Variants in PRAM1 observed in about 807,000 individuals in gnomAD.
The protein encoded by PRAM1 is PML-RARA regulated adaptor molecule 1, also known as PML-RARA-regulated adapter molecule 1.
Under a neutral mutation model 55.3 loss-of-function variants are expected in PRAM1, and 41 were observed. The ratio of observed to expected loss-of-function variants is 0.74; its 90% CI spans 0.58 to 0.96. The LOEUF is 0.96. Among genes scored for constraint, PRAM1 ranks in the 40% least tolerant of loss-of-function variants. PRAM1 has a pLI of 0.00. For synonymous variants in PRAM1, 401 were observed against 387.1 expected, an observed-to-expected ratio of 1.04 and a Z score of -0.42; for missense variants, 898 against 892.7, an observed-to-expected ratio of 1.01 and a Z score of -0.08.
In PRAM1 at chr19:8,490,687, C is replaced by A. The variant is rs1403120316; in HGVS notation, c.1813G>T (p.Gly605Cys). 1.2e-6 allele frequency: 2 copies of A among 1,605,566 alleles called. No homozygotes were observed. The highest frequency in any genetic ancestry group is 1.1e-5 in the South Asian group (1 of 89,994). Reference protein sequence around the residue: ...DPNAKTRRGGGKHLGIRRGEI... With the variant: ...DPNAKTRRGGCKHLGIRRGEI... ...CCGCGCCGGATCCCGAGGTGCTTGC[C>A]ACCCCCGCGACGTGTCTTAGCGTTG... Residue 605 changes from glycine to cysteine, a missense_variant, in exon 7 of 10, where the codon GGC becomes TGC. Transcript: ENST00000423345. The surrounding 1 kb of genome is among the most constrained non-coding windows in gnomAD (Gnocchi z 7.3).
intron 1 of PRAM1, among the ~76,000 whole-genome samples, chr19:8,501,805 G>A (rs1487751858): frequency 6.6e-6 from 1 of 152,188 alleles, no homozygotes; most frequent in Non-Finnish European, 1.5e-5. Flanking sequence ...GTGCCTGAGA[G>A]GATTGGTGCA....
intron 4 of PRAM1, among the ~76,000 whole-genome samples, chr19:8,494,345 C>T (rs975964642): frequency 2.6e-4 from 40 of 152,214 alleles, no homozygotes; most frequent in Non-Finnish European, 3.8e-4. Flanking sequence ...CGGTGGCCCC[C>T]AGACCCAAGC....
chr19:8,490,288 C>T lies in PRAM1; in HGVS notation c.1975+50G>A, dbSNP rs1343496710. ...CCAGAAGCCCAATAGTGAGCAGCGC[C>T]CCCGGGGAATCGCCAGGGTCCCTCC... On this transcript the variant is annotated intron_variant, in intron 9 of 9. Coordinates refer to ENST00000423345, the MANE Select transcript of PRAM1 (RefSeq NM_032152.5). This position sits in a 1 kb window ranked among gnomAD's most constrained non-coding sequence, Gnocchi z 7.3. 6.2e-7 allele frequency: 1 copy of T among 1,613,798 alleles called. No homozygotes were observed. The highest frequency in any genetic ancestry group is 8.5e-7 in the Non-Finnish European group (1 of 1,179,802).
In PRAM1 at chr19:8,498,898, C is replaced by A; in HGVS notation, c.910G>T (p.Val304Leu). 10 of 1,613,332 alleles carry A rather than the reference C, an allele frequency of 6.2e-6. No individual in the cohort carries two copies. Among genetic ancestry groups the A allele is most frequent in the African/African-American group, 2.7e-5 (2 of 74,924 alleles). The change falls in exon 2 of 10, where the codon GTG becomes TTG. Residue 304 changes from valine (V) to leucine (L), a missense_variant. Physicochemically the swap from Val to Leu is conservative, Grantham distance 32 (BLOSUM62 1). Around this residue, in one of 4 missense-constraint regions of PRAM1, gnomAD observed 787 missense variants for 735.4 expected, o/e 1.07. Transcript: ENST00000423345. ...GCCGGCCGCGGCCTCTTGGGAAGCACGCTGACTTCGGGCTCTGAGGAGGTC... is the reference window on the plus strand; with the variant it reads ...GCCGGCCGCGGCCTCTTGGGAAGCAAGCTGACTTCGGGCTCTGAGGAGGTC... The part of the protein sequence containing the change: ...TRTSSEPEVS[V>L]LPKRPRPAEF...
chr19:8,499,763 G>A lies in PRAM1; in HGVS notation c.45C>T (p.Phe15=). The A allele has an allele frequency of 6.2e-7, 1 of 1,606,946 alleles. No homozygotes were observed. The highest frequency in any genetic ancestry group is 8.5e-7 in the Non-Finnish European group (1 of 1,176,820). The change falls in exon 2 of 10, where the codon TTC becomes TTT. Residue 15 remains phenylalanine, a synonymous_variant. Coordinates refer to ENST00000423345, the MANE Select transcript of PRAM1 (RefSeq NM_032152.5). ...CCTGGAACTTTGCTTTGATGCTCCG[G>A]AAGTCCTGATGGCTCTCCTAGGAGA... ...LPAAMESHQD[F]RSIKAKFQAS...
chr19:8,498,203 C>A lies in PRAM1; in HGVS notation c.1499+20G>T. ...GAGCCCCACAATCCGCACCCACCTC[C>A]GCTTCCTCCCCACACTCACTGCGGG... On this transcript the variant is annotated intron_variant, in intron 3 of 9. Transcript: ENST00000423345. 4 of 1,608,582 alleles carry A rather than the reference C, an allele frequency of 2.5e-6. No individual in the cohort carries two copies. Among genetic ancestry groups the A allele is most frequent in the Non-Finnish European group, 3.4e-6 (4 of 1,178,394 alleles).
chr19:8,499,083 G>A lies in PRAM1; in HGVS notation c.725C>T (p.Pro242Leu), dbSNP rs1046488708. 52 of 1,613,404 alleles carry A rather than the reference G, an allele frequency of 3.2e-5. 1 individual carries two copies. Among genetic ancestry groups the A allele is most frequent in the East Asian group, 4.5e-5 (2 of 44,848 alleles). ...QVGGLPKKSVPQPEFSEAAQT... is the reference protein window; with the variant it reads ...QVGGLPKKSVLQPEFSEAAQT... Reference sequence around the variant, plus strand: ...AGCGGCCTCGCTGAACTCAGGCTGCGGCACGGACTTCTTAGGGAGGCCACC... The same window carrying A: ...AGCGGCCTCGCTGAACTCAGGCTGCAGCACGGACTTCTTAGGGAGGCCACC... The change falls in exon 2 of 10, where the codon CCG becomes CTG. Residue 242 changes from proline (P) to leucine (L), a missense_variant. By Grantham distance (98) the Pro-to-Leu change is moderately conservative. This residue lies in a region of PRAM1 where 787 missense variants were observed against 735.4 expected (regional missense o/e 1.07). Transcript: ENST00000423345.
At chr19:8,496,466 T>C (rs1203620975) in intron 4 of PRAM1, among the ~76,000 whole-genome samples, 2 of 152,036 alleles carry the variant, frequency 1.3e-5, no homozygotes, top group Non-Finnish European at 2.9e-5. Context: ...GGCTCATGAC[T>C]GTAATCCCAG....
Position 8,499,052 on chromosome 19 carries a change from A to C in PRAM1, c.756T>G (p.Thr252=). 6.2e-7 allele frequency: 1 copy of C among 1,612,426 alleles called. No homozygotes were observed. Among genetic ancestry groups the C allele is most frequent in the Non-Finnish European group, 8.5e-7 (1 of 1,179,588 alleles). The change falls in exon 2 of 10, where the codon ACT becomes ACG. Residue 252 remains threonine, a synonymous_variant. Transcript: ENST00000423345. ...CGCTGGACTGAGGCTTCCAGAGGGGAGTCTGAGCGGCCTCGCTGAACTCAG... is the reference window on the plus strand; with the variant it reads ...CGCTGGACTGAGGCTTCCAGAGGGGCGTCTGAGCGGCCTCGCTGAACTCAG... The part of the protein sequence containing the change: ...PQPEFSEAAQ[T]PLWKPQSSEP...
At chr19:8,498,334 C>T in intron 2 of PRAM1, 42 bp downstream of exon 2, 1 of 1,594,844 alleles carries the variant, frequency 6.3e-7, no homozygotes, top group East Asian at 2.3e-5. Context: ...CTGCCTGGGA[C>T]CTCAGCCCCC....
chr19:8,496,830 G>A (rs2145790697), intron 4 of PRAM1, among the ~76,000 whole-genome samples: 1 of 152,120 alleles, frequency 6.6e-6, no homozygotes, highest in South Asian at 2.1e-4. Context: ...GAGGTCAGGA[G>A]ATCGAGACCA....
Position 8,499,200 on chromosome 19 carries a change from C to G in PRAM1, c.608G>C (p.Arg203Thr), listed in dbSNP as rs757091729. The change falls in exon 2 of 10, where the codon AGG becomes ACG. Residue 203 changes from arginine to threonine, a missense_variant. By Grantham distance (71) the Arg-to-Thr change is moderately conservative (BLOSUM62 -1). This residue lies in a region of PRAM1 where 787 missense variants were observed against 735.4 expected (regional missense o/e 1.07). Transcript: ENST00000423345. ...WQPEAGEATP[R>T]SPQPELSTFP... The stretch of plus-strand genomic sequence containing the variant: ...GGTACTCAACTCAGGCTGCGGGGAC[C>G]TCGGGGTAGCCTCACCGGCCTCGGG... The G allele has an allele frequency of 2.1e-5, 34 of 1,612,304 alleles. 1 individual carries two copies. Among genetic ancestry groups the G allele is most frequent in the Non-Finnish European group, 2.6e-5 (31 of 1,179,370 alleles).
rs749292731 is a variant in PRAM1 at position 8,490,145 on chromosome 19, G to T, written c.*44C>A. 54 of 1,488,402 alleles carry T rather than the reference G, an allele frequency of 3.6e-5. No homozygotes were observed. Among genetic ancestry groups the T allele is most frequent in the Non-Finnish European group, 4.8e-5 (53 of 1,113,656 alleles). The allele number at this position is 1,488,402 out of a possible 1,614,324, so 92.2% of individuals were successfully genotyped here. On this transcript the variant is annotated 3_prime_UTR_variant, in exon 10 of 10. Coordinates refer to ENST00000423345, the MANE Select transcript of PRAM1 (RefSeq NM_032152.5). This position sits in a 1 kb window ranked among gnomAD's most constrained non-coding sequence, Gnocchi z 7.3. ...CGGGATCCAGGGCTCCTGGGTGAGC[G>T]GGCGCTGGGCTGGCTGGCTGTCCTG...
chr19:8,499,724 C>A lies in PRAM1; in HGVS notation c.84G>T (p.Glu28Asp). Residue 28 changes from glutamate (E) to aspartate (D), a missense_variant, in exon 2 of 10, where the codon GAG (glutamate) becomes GAT (aspartate). Around this residue, in one of 4 missense-constraint regions of PRAM1, gnomAD observed 79 missense variants for 93.4 expected, o/e 0.85. Coordinates refer to ENST00000423345, the MANE Select transcript of PRAM1 (RefSeq NM_032152.5). The stretch of plus-strand genomic sequence containing the variant: ...GAGGTTTTTTGGGCAGGTCGCTGGG[C>A]TCCGGCTGAGAGGCCTGGAACTTTG... ...IKAKFQASQP[E>D]PSDLPKKPPK... The A allele has an allele frequency of 6.2e-7, 1 of 1,613,696 alleles. No homozygotes were observed. Among genetic ancestry groups the A allele is most frequent in the Middle Eastern group, 1.7e-4 (1 of 6,056 alleles).
intron 1 of PRAM1, 83 bp from the exon 2 acceptor site, chr19:8,499,863 A>C (rs2145797035): frequency 8.2e-7 from 1 of 1,223,306 alleles, no homozygotes; most frequent in Middle Eastern, 2.8e-4. Context: ...CCTCAGGCAC[A>C]GCCCACAACC....
rs777089801 is a variant in PRAM1, at chr19:8,498,752, C to T, written c.1056G>A (p.Gly352=). The change falls in exon 2 of 10, where the codon GGG becomes GGA. Residue 352 remains glycine (G), a synonymous_variant. Coordinates refer to ENST00000423345, the MANE Select transcript of PRAM1 (RefSeq NM_032152.5). ...PRKLLQPERR[G]PPRKFSQPEP... is the part of the protein sequence containing the mutation. Reference sequence around the variant, plus strand: ...CAGGCTGTGAGAACTTGCGGGGTGGCCCCCGGCGCTCCGGCTGCAGCAGCT... The same window carrying T: ...CAGGCTGTGAGAACTTGCGGGGTGGTCCCCGGCGCTCCGGCTGCAGCAGCT... The T allele has an allele frequency of 2.4e-5, 38 of 1,574,384 alleles. No individual in the cohort carries two copies. The highest frequency in any genetic ancestry group is 3.8e-5 in the Admixed American group (2 of 52,946).
intron 4 of PRAM1, among the ~76,000 whole-genome samples, chr19:8,492,602 C>G (rs1971645288): frequency 6.6e-6 from 1 of 152,040 alleles, no homozygotes; most frequent in Non-Finnish European, 1.5e-5. Flanking sequence ...AAAACTAAGG[C>G]AGAAGGGAGG....
chr19:8,491,277 A>C, intron 4 of PRAM1, 120 bp from the exon 5 acceptor site: 1 of 1,066,680 alleles, frequency 9.4e-7, no homozygotes, highest in Non-Finnish European at 1.4e-6. Flanking sequence ...TCTGTCACCC[A>C]GGCTGGAGTG....
intron 4 of PRAM1, 21 bp from the exon 5 acceptor site, chr19:8,491,178 G>A (rs199626749): frequency 3.4e-4 from 550 of 1,605,816 alleles, no homozygotes; most frequent in Admixed American, 1.2e-3. Context: ...TCAGGACTCC[G>A]AGTCAAGGCA....
Sources: allele counts gnomAD v4.1 joint callset (sites outside exome capture counted in the v4.1 genomes callset), GRCh38; gene constraint gnomAD v4.1.1; regional missense constraint gnomAD v4.1.1; non-coding constraint Gnocchi (gnomAD v3.1); transcripts MANE v1.5; gene names NCBI Gene and HGNC (gene_info 2026-07-23, HGNC 2026-07-21).